PCDHGA2: variants seen among roughly 807,000 people sequenced by gnomAD.
The protein encoded by PCDHGA2 is protocadherin gamma-A2.
A neutral mutation model predicts 59.2 loss-of-function variants in PCDHGA2; 40 were observed. That is an observed-to-expected ratio of 0.68 (90% CI 0.52 to 0.88). The LOEUF (loss-of-function observed/expected upper bound fraction) is 0.88. PCDHGA2 is among the 40% of genes least tolerant of loss of function. PCDHGA2 has a pLI of 0.00. For missense variants in PCDHGA2, 1,226 were observed against 1,204.0 expected (o/e 1.02, Z -0.27); for synonymous variants, 560 against 526.0 (o/e 1.06, Z -0.89).
At position 141,341,004 on chromosome 5, in the gene PCDHGA2, T is replaced by A. The variant is rs140216094; in HGVS notation, c.2033T>A (p.Leu678His). 8 of 1,613,934 alleles carry A rather than the reference T, an allele frequency of 5.0e-6. No homozygotes were observed. The African/African-American group carries it at 8.0e-5, about 16-fold the overall frequency. The change falls in exon 1 of 4, where the codon CTC (leucine) becomes CAC (histidine). Residue 678 changes from leucine to histidine, a missense_variant. Transcript: ENST00000394576. ...IPDILADLGS[L>H]EPSAIPNDSD... ...GACATCCTGGCCGACCTGGGCAGCCTCGAGCCCTCCGCCATACCCAACGAT... is the reference window on the plus strand; with the variant it reads ...GACATCCTGGCCGACCTGGGCAGCCACGAGCCCTCCGCCATACCCAACGAT...
At chr5:141,385,088 G>A in intron 1 of PCDHGA2, 2 of 1,614,226 alleles carry the variant, frequency 1.2e-6, no homozygotes, top group Non-Finnish European at 1.7e-6. Flanking sequence ...GCTTCAGAAG[G>A]TGGCTTGGCG....
intron 1 of PCDHGA2, chr5:141,418,928 A>C: frequency 1.2e-6 from 2 of 1,613,978 alleles, no homozygotes; most frequent in Non-Finnish European, 1.7e-6. Flanking sequence ...TGATCAGATT[A>C]TGGAGGATTC....
intron 1 of PCDHGA2, chr5:141,433,087 A>G (rs769187557): frequency 6.2e-7 from 1 of 1,614,206 alleles, no homozygotes. Context: ...CCAACTATGC[A>G]GACATGCTCG....
rs200545713 is a variant in PCDHGA2 at position 141,422,296 on chromosome 5, A to G, written c.2425-72511A>G. 133 of 1,550,704 alleles carry G rather than the reference A, an allele frequency of 8.6e-5. 1 individual carries two copies. The Admixed American group carries it at 2.1e-3, about 25-fold the overall frequency. ...AACTATCACCTCTTCTATTAATTCAATTCTGGAAAACTCTCCTCCAGGTAC... is the reference window on the plus strand; with the variant it reads ...AACTATCACCTCTTCTATTAATTCAGTTCTGGAAAACTCTCCTCCAGGTAC... On this transcript the variant is annotated intron_variant, in intron 1 of 3. Transcript: ENST00000394576.
In PCDHGA2 at chr5:141,490,540, C is replaced by T; in HGVS notation, c.2425-4267C>T. The T allele has an allele frequency of 6.2e-7, 1 of 1,614,148 alleles. No homozygotes were observed. Among genetic ancestry groups the T allele is most frequent in the Non-Finnish European group, 8.5e-7 (1 of 1,180,024 alleles). ...GGCCAGCGATGCTGGTTCACCTTCC[C>T]TACACAAACATCTCACCATCAGGCT... On this transcript the variant is annotated intron_variant, in intron 1 of 3. Coordinates refer to ENST00000394576, the MANE Select transcript of PCDHGA2 (RefSeq NM_018915.4). This position sits in a 1 kb window ranked among gnomAD's most constrained non-coding sequence, Gnocchi z 5.4.
rs1759714741 is a variant in PCDHGA2, at chr5:141,355,099, TG to T, written c.2424+13706del. On this transcript the variant is annotated intron_variant, in intron 1 of 3. Coordinates refer to ENST00000394576, the MANE Select transcript of PCDHGA2 (RefSeq NM_018915.4). ...CTTCAAGCGGAAGCCCTGAGAGCTC[TG>T]GCTGTGAATGCACTTTATTTTGGAC... 41 of 1,497,568 alleles carry T rather than the reference TG, an allele frequency of 2.7e-5. No individual in the cohort carries two copies. In the South Asian group the frequency reaches 5.5e-4, roughly 20 times the overall value. The allele number at this position is 1,497,568 out of a possible 1,614,324, so 92.8% of individuals were successfully genotyped here. A position where few individuals can be genotyped will look rare whatever the true frequency, so the allele number is the denominator to read the frequency against.
In PCDHGA2 at chr5:141,477,650, A is replaced by G. The variant is rs199931735; in HGVS notation, c.2425-17157A>G. ...CGGGCTAGTGGGTCGCTATTTCACA[A>G]TAAATCGTGACAATGGCATAGTGTC... On this transcript the variant is annotated intron_variant, in intron 1 of 3. Transcript: ENST00000394576. This position sits in a 1 kb window ranked among gnomAD's most constrained non-coding sequence, Gnocchi z 4.9. The G allele has an allele frequency of 6.2e-6, 10 of 1,614,212 alleles. No individual in the cohort carries two copies. The highest frequency in any genetic ancestry group is 2.2e-5 in the East Asian group (1 of 44,888).
At chr5:141,450,506 G>A (rs2098682958) in intron 1 of PCDHGA2, among the ~76,000 whole-genome samples, 2 of 151,914 alleles carry the variant, frequency 1.3e-5, no homozygotes, top group Admixed American at 6.6e-5. Context: ...TTTGTTTTGA[G>A]ATGGAGTCTC....
intron 1 of PCDHGA2, chr5:141,387,787 A>C (rs2091094069): frequency 6.1e-6 from 9 of 1,479,268 alleles, no homozygotes; most frequent in Non-Finnish European, 1.8e-6. Context: ...CTGGAACTGC[A>C]ACTAAAGTCC....
intron 1 of PCDHGA2, chr5:141,393,555 C>T (rs1561643318): frequency 1.2e-6 from 2 of 1,613,808 alleles, no homozygotes; most frequent in Admixed American, 3.3e-5. Context: ...CCCGATTTAC[C>T]GAGTGAAAGT....
At position 141,364,322 on chromosome 5, in the gene PCDHGA2, G is replaced by A. The variant is rs572334298; in HGVS notation, c.2424+22927G>A. The A allele has an allele frequency of 2.6e-6, 4 of 1,527,038 alleles. No homozygotes were observed. In the Admixed American group the frequency reaches 6.7e-5, roughly 26 times the overall value. The allele number at this position is 1,527,038 out of a possible 1,614,324, so 94.6% of individuals were successfully genotyped here. On this transcript the variant is annotated intron_variant, in intron 1 of 3. Transcript: ENST00000394576. ...CAGAACTAAGAGAAAATTGGGCAGAGAGAAGGCAATGGCGAGTCCACCTAG... is the reference window on the plus strand; with the variant it reads ...CAGAACTAAGAGAAAATTGGGCAGAAAGAAGGCAATGGCGAGTCCACCTAG...
At chr5:141,349,156 T>C (rs1206412150) in intron 1 of PCDHGA2, among the ~76,000 whole-genome samples, 1 of 152,162 alleles carries the variant, frequency 6.6e-6, no homozygotes, top group Non-Finnish European at 1.5e-5. Flanking sequence ...CTGCAACCTC[T>C]GCCTCCTGAG....
chr5:141,498,807 C>T (rs113587634), intron 2 of PCDHGA2, among the ~76,000 whole-genome samples: 5,552 of 152,138 alleles, frequency 0.036, 136 homozygotes, highest in South Asian at 0.073. Context: ...GTGGTGCACA[C>T]CTGTAGTCCC....
At chr5:141,362,666 G>T in intron 1 of PCDHGA2, 1 of 1,321,002 alleles carries the variant, frequency 7.6e-7, no homozygotes, top group South Asian at 1.5e-5. Flanking sequence ...GGCCAATGTT[G>T]TGCCTTAATT....
Position 141,432,097 on chromosome 5 carries a change from C to A in PCDHGA2, c.2425-62710C>A. The A allele has an allele frequency of 1.9e-6, 3 of 1,614,184 alleles. No individual in the cohort carries two copies. Among genetic ancestry groups the A allele is most frequent in the Non-Finnish European group, 1.7e-6 (2 of 1,180,034 alleles). On this transcript the variant is annotated intron_variant, in intron 1 of 3. Transcript: ENST00000394576. This position sits in a 1 kb window ranked among gnomAD's most constrained non-coding sequence, Gnocchi z 6.0. ...TCTCGCTGAACGTGGCAGACACCAA[C>A]GACAACCCGCCGGTCTTCCCTCAGG...
intron 1 of PCDHGA2, chr5:141,415,485 T>C (rs2154545779): frequency 6.2e-7 from 1 of 1,614,044 alleles, no homozygotes; most frequent in South Asian, 1.1e-5. Flanking sequence ...CGCGAAAGAG[T>C]CACCTGATCT....
chr5:141,364,258 C>G, intron 1 of PCDHGA2: 1 of 1,497,150 alleles, frequency 6.7e-7, no homozygotes, highest in East Asian at 2.3e-5. Flanking sequence ...GAATATGTAC[C>G]CATCGGCTTT....
At chr5:141,389,866 T>G (rs1332106674) in intron 1 of PCDHGA2, 1 of 1,614,082 alleles carries the variant, frequency 6.2e-7, no homozygotes, top group African/African-American at 1.3e-5. Context: ...TTGCACCTGG[T>G]CTTCGCCGAC....
chr5:141,399,685 C>G (rs1344845350), intron 1 of PCDHGA2: 1 of 1,613,532 alleles, frequency 6.2e-7, no homozygotes, highest in African/African-American at 1.3e-5. Context: ...TGACTACGAG[C>G]AGCTGCGCAC....
Sources: allele counts gnomAD v4.1 joint callset (sites outside exome capture counted in the v4.1 genomes callset), GRCh38; gene constraint gnomAD v4.1.1; non-coding constraint Gnocchi (gnomAD v3.1); transcripts MANE v1.5; gene names NCBI Gene and HGNC (gene_info 2026-07-23, HGNC 2026-07-21).